CPNE5: variants seen among roughly 807,000 people sequenced by gnomAD.
CPNE5 encodes copine 5.
In CPNE5, 42 loss-of-function variants were observed where a neutral mutation model predicts 81.1. The observed-to-expected ratio is 0.52, with a 90% CI of 0.40 to 0.67. CPNE5 has a LOEUF of 0.67. Among genes scored for constraint, CPNE5 ranks in the 30% least tolerant of loss-of-function variants. The pLI, the probability that CPNE5 is intolerant of heterozygous loss-of-function variation, is 0.00. For missense variants in CPNE5, 612 were observed against 815.5 expected (o/e 0.75, Z 3.04); for synonymous variants, 313 against 321.5 (o/e 0.97, Z 0.28).
chr6:36,790,771 C>T (rs1769019559), intron 8 of CPNE5, among the ~76,000 whole-genome samples: 1 of 152,120 alleles, frequency 6.6e-6, no homozygotes, highest in Admixed American at 6.5e-5. Flanking sequence ...TCTCAAACTC[C>T]TGACCTCGTG....
At chr6:36,798,016 G>A in intron 6 of CPNE5, 149 bp downstream of exon 6, 1 of 639,956 alleles carries the variant, frequency 1.6e-6, no homozygotes, top group Non-Finnish European at 2.8e-6. Flanking sequence ...AGCCCTGTGA[G>A]AGCAGTGAGG....
At position 36,746,172 on chromosome 6, in the gene CPNE5, G is replaced by A. The variant is rs2150359934; in HGVS notation, c.1200+224C>T. On this transcript the variant is annotated intron_variant, in intron 16 of 20. Coordinates refer to ENST00000244751, the MANE Select transcript of CPNE5 (RefSeq NM_020939.2). This position sits in a 1 kb window ranked among gnomAD's most constrained non-coding sequence, Gnocchi z 4.5. ...CGTCTTGTCAGGAACAAGGAAGCCA[G>A]GGCCAGCTGTGGGCAGGCAGCTTCA... 1.0e-6 allele frequency: 1 copy of A among 985,420 alleles called. No individual in the cohort carries two copies. Among genetic ancestry groups the A allele is most frequent in the Non-Finnish European group, 1.2e-6 (1 of 829,908 alleles). The allele number at this position is 985,420 out of a possible 1,614,324, so 61.0% of individuals were successfully genotyped here.
chr6:36,791,380 G>T (rs1342782251), intron 8 of CPNE5, among the ~76,000 whole-genome samples: 1 of 152,152 alleles, frequency 6.6e-6, no homozygotes, highest in Non-Finnish European at 1.5e-5. Context: ...GATAACTTAT[G>T]TAAAGTGCCT....
intron 9 of CPNE5, among the ~76,000 whole-genome samples, chr6:36,776,794 C>T (rs1767547222): frequency 6.6e-6 from 1 of 152,180 alleles, no homozygotes; most frequent in African/African-American, 2.4e-5. Flanking sequence ...TGCCTTGTCC[C>T]TCCTCCTGTG....
chr6:36,820,650 AAATAAGTAGCCTGGCAGG>A (rs1203824432), intron 3 of CPNE5, among the ~76,000 whole-genome samples: 92 of 152,186 alleles, frequency 6.0e-4, no homozygotes, highest in African/African-American at 2.0e-3. Context: ...CAAACAAGGT[AAATAAGTAGCCTGGCAGG>A]GTGGCATGTG....
At chr6:36,829,536 G>C (rs1054845203) in intron 1 of CPNE5, among the ~76,000 whole-genome samples, 2 of 151,240 alleles carry the variant, frequency 1.3e-5, no homozygotes, top group Admixed American at 1.3e-4. Context: ...CAGAAGGCTG[G>C]GCACGGTGGC....
intron 9 of CPNE5, 82 bp downstream of exon 9, chr6:36,778,772 T>C (rs1270701179): frequency 1.0e-6 from 1 of 959,950 alleles, no homozygotes; most frequent in Non-Finnish European, 1.6e-6. Flanking sequence ...CCACCCTGCC[T>C]GGCAAGTCAC....
intron 13 of CPNE5, among the ~76,000 whole-genome samples, chr6:36,753,369 A>G (rs964800286): frequency 6.6e-6 from 1 of 152,086 alleles, no homozygotes; most frequent in African/African-American, 2.4e-5. Context: ...CAGAGCCTGC[A>G]CTCTTGACCT....
At position 36,744,293 on chromosome 6, in the gene CPNE5, G is replaced by A. The variant is rs749287187; in HGVS notation, c.1464C>T (p.Val488=). Residue 488 remains valine (V), a synonymous_variant, in exon 19 of 21, where the codon GTC becomes GTT. Coordinates refer to ENST00000244751, the MANE Select transcript of CPNE5 (RefSeq NM_020939.2). ...CGTCGAACTCTGCCTGGCCCACGCC[G>A]ACGATAATGATGGACATGGGGAGCT... The part of the protein sequence containing the change: ...AAKLPMSIII[V]GVGQAEFDAM... 23 of 1,583,992 alleles carry A rather than the reference G, an allele frequency of 1.5e-5. No homozygotes were observed. Among genetic ancestry groups the A allele is most frequent in the Non-Finnish European group, 1.9e-5 (22 of 1,165,728 alleles).
In CPNE5 at chr6:36,747,114, A is replaced by T. The variant is rs390491; in HGVS notation, c.1019-537T>A. 1.4e-3 allele frequency among the ~76,000 whole-genome samples: 206 copies of T among 152,122 alleles called. 1 individual carries two copies. The highest frequency in any genetic ancestry group is 4.9e-3 in the African/African-American group (203 of 41,480). On this transcript the variant is annotated intron_variant, in intron 15 of 20. Coordinates refer to ENST00000244751, the MANE Select transcript of CPNE5 (RefSeq NM_020939.2). ...CTCTACCTGGGACACTCTTCCCCAG[A>T]TGTCCACTCCCTGGCCCGCTCCCTG... is the stretch of plus-strand genomic sequence containing the variant.
At chr6:36,839,466 A>G, upstream of CPNE5, 3 of 1,070,178 alleles carry the variant, frequency 2.8e-6, no homozygotes, top group Non-Finnish European at 4.0e-6. The surrounding 1 kb of genome is among the most constrained non-coding windows in gnomAD (Gnocchi z 7.3). Context: ...CTCTCCCCCA[A>G]CTCCAGAGCC....
chr6:36,800,950 C>T (rs1770050337), intron 3 of CPNE5, among the ~76,000 whole-genome samples: 1 of 152,156 alleles, frequency 6.6e-6, no homozygotes, highest in Non-Finnish European at 1.5e-5. Flanking sequence ...GCAAATCTTG[C>T]CCAGTTGAAC....
intron 3 of CPNE5, among the ~76,000 whole-genome samples, chr6:36,810,711 C>T (rs114253500): frequency 3.1e-3 from 478 of 152,346 alleles, no homozygotes; most frequent in African/African-American, 9.6e-3. Flanking sequence ...GTGGCCACCC[C>T]TCCTCGTTGC....
chr6:36,763,070 G>C (rs976537107), intron 11 of CPNE5, 78 bp from the exon 12 acceptor site: 1 of 1,295,824 alleles, frequency 7.7e-7, no homozygotes, highest in Non-Finnish European at 1.1e-6. Flanking sequence ...GCACACATCC[G>C]TTTCTTTGGC....
chr6:36,743,240 G>C, intron 20 of CPNE5: 6 of 985,384 alleles, frequency 6.1e-6, no homozygotes, highest in Non-Finnish European at 7.2e-6. Context: ...GGAATTCCCT[G>C]AGGACAAAGG....
In CPNE5 at chr6:36,799,951, AC is replaced by A. The variant is rs1769956504; in HGVS notation, c.287+15del. 2 of 1,578,810 alleles carry A rather than the reference AC, an allele frequency of 1.3e-6. No individual in the cohort carries two copies. Among genetic ancestry groups the A allele is most frequent in the Non-Finnish European group, 1.7e-6 (2 of 1,148,040 alleles). ...CTCCCCACCTGGCTGCATCTTCAGC[AC>A]CATCTTCCACTTACAGATCAAAACG... is the stretch of plus-strand genomic sequence containing the variant. On this transcript the variant is annotated intron_variant, in intron 4 of 20. Transcript: ENST00000244751.
intron 7 of CPNE5, 100 bp from the exon 8 acceptor site, chr6:36,792,196 C>T: frequency 7.8e-7 from 1 of 1,278,718 alleles, no homozygotes; most frequent in East Asian, 2.4e-5. Context: ...CCCCCGCCCC[C>T]TACCATCCAG....
intron 8 of CPNE5, among the ~76,000 whole-genome samples, chr6:36,787,738 G>C (rs1403014002): frequency 6.6e-6 from 1 of 152,148 alleles, no homozygotes; most frequent in Non-Finnish European, 1.5e-5. Flanking sequence ...GAGGCCCCCG[G>C]GGCAGTTATG....
chr6:36,759,241 A>T (rs1165724487), intron 12 of CPNE5, among the ~76,000 whole-genome samples: 1 of 152,242 alleles, frequency 6.6e-6, no homozygotes, highest in African/African-American at 2.4e-5. Flanking sequence ...CTTTAATGTT[A>T]AAGCAATGTT....
Sources: gnomAD v4.1 joint callset for allele counts (sites outside exome capture counted in the v4.1 genomes callset) on GRCh38, gnomAD v4.1.1 for gene constraint, Gnocchi (gnomAD v3.1) non-coding constraint, MANE v1.5 for transcripts, NCBI Gene and HGNC (gene_info 2026-07-23, HGNC 2026-07-21) for gene names.